RIPK1: variants seen among roughly 807,000 people sequenced by gnomAD.
RIPK1 encodes receptor-interacting serine/threonine-protein kinase 1.
A neutral mutation model predicts 62.4 loss-of-function variants in RIPK1; 27 were observed. The ratio of observed to expected loss-of-function variants is 0.43; its 90% confidence interval spans 0.32 to 0.60. RIPK1 has a LOEUF of 0.60. Among genes scored for constraint, RIPK1 ranks in the 20% least tolerant of loss-of-function variants. The probability of loss-of-function intolerance (pLI) is 0.07; values close to 1 mark genes in which losing one functional copy is unlikely to be tolerated. For synonymous variants in RIPK1, 287 were observed against 303.2 expected, an observed-to-expected ratio of 0.95 and a Z score of 0.55; for missense variants, 735 against 831.0, an observed-to-expected ratio of 0.88 and a Z score of 1.42.
At chr6:3,081,860 TAAAAAAAAAAAAAAAAA>T (rs58330257) in intron 4 of RIPK1, among the ~76,000 whole-genome samples, 28 of 22,850 alleles carry the variant, frequency 1.2e-3, no homozygotes, top group East Asian at 1.5e-3. Context: ...AACTCTGCCT[TAAAAAAAAAAAAAAAAA>T]AAAAAAAAAA....
rs1266925466 is a variant in RIPK1 at position 3,105,950 on chromosome 6, C to G, written c.1475C>G (p.Pro492Arg). The G allele has an allele frequency of 6.2e-7, 1 of 1,613,918 alleles. No homozygotes were observed. The highest frequency in any genetic ancestry group is 2.2e-5 in the East Asian group (1 of 44,880). ...GTAGPRVWYRPIPSHMPSLHN... is the reference protein window; with the variant it reads ...GTAGPRVWYRRIPSHMPSLHN... ...GCAGGTCCCAGAGTTTGGTACAGGC[C>G]AATTCCAAGTCATATGCCTAGTCTG... Residue 492 changes from proline (P) to arginine (R), a missense_variant, in exon 9 of 11, where the codon CCA (proline) becomes CGA (arginine). Coordinates refer to ENST00000259808, the MANE Select transcript of RIPK1 (RefSeq NM_001354930.2). This position sits in a 1 kb window ranked among gnomAD's most constrained non-coding sequence, Gnocchi z 4.5.
chr6:3,064,815 A>G (rs1278821942), upstream of RIPK1, among the ~76,000 whole-genome samples: 2 of 152,168 alleles, frequency 1.3e-5, no homozygotes, highest in African/African-American at 4.8e-5. Context: ...CAGGATGGCC[A>G]GAGGTGGAGG....
In RIPK1 at chr6:3,072,404, T is replaced by TATAA. The variant is rs1491199618; in HGVS notation, c.-61+3744_-61+3745insTAAA. Among the ~76,000 whole-genome samples the TATAA allele has an allele frequency of 6.9e-6, 1 of 145,816 alleles. No homozygotes were observed. Among genetic ancestry groups the TATAA allele is most frequent in the African/African-American group, 2.5e-5 (1 of 39,980 alleles). ...TTATCTATTTACATATATATATATATAAAACACACACAAATGTGAATATAA... is the reference window on the plus strand; with the variant it reads ...TTATCTATTTACATATATATATATATATAAAAAACACACACAAATGTGAATATAA... On this transcript the variant is annotated intron_variant, in intron 1 of 10. Transcript: ENST00000259808. This position sits in a 1 kb window ranked among gnomAD's most constrained non-coding sequence, Gnocchi z 5.6.
chr6:3,064,682 T>C (rs1013515364), upstream of RIPK1, among the ~76,000 whole-genome samples: 5 of 152,010 alleles, frequency 3.3e-5, no homozygotes, highest in Non-Finnish European at 5.9e-5. Flanking sequence ...GAACCTCCTC[T>C]AGGGTGGGAA....
intron 7 of RIPK1, among the ~76,000 whole-genome samples, chr6:3,103,957 T>C (rs1760704483): frequency 6.6e-6 from 1 of 152,262 alleles, no homozygotes; most frequent in South Asian, 2.1e-4. Flanking sequence ...CACTGGCATA[T>C]GTGCCTGTCT....
At chr6:3,108,512 C>T (rs925354341) in intron 9 of RIPK1, among the ~76,000 whole-genome samples, 10 of 152,140 alleles carry the variant, frequency 6.6e-5, no homozygotes, top group African/African-American at 1.9e-4. Flanking sequence ...CCGCGGTGAG[C>T]GCAGACTGTG....
intron 6 of RIPK1, among the ~76,000 whole-genome samples, chr6:3,088,037 T>C (rs1759822700): frequency 6.6e-6 from 1 of 152,252 alleles, no homozygotes; most frequent in Admixed American, 6.5e-5. Flanking sequence ...TTGGCATCTA[T>C]TGATTGTCTT....
rs1581374801 is a variant in RIPK1, at chr6:3,071,631, A to G, written c.-61+2970A>G. 3.9e-5 allele frequency among the ~76,000 whole-genome samples: 6 copies of G among 152,306 alleles called. No homozygotes were observed. In the South Asian group the frequency reaches 1.2e-3, roughly 32 times the overall value. ...CAGTGCTCATAAAGTTGAATCTTTCATGTGGAAAAAAGAGGGGTGGATAGG... is the reference window on the plus strand; with the variant it reads ...CAGTGCTCATAAAGTTGAATCTTTCGTGTGGAAAAAAGAGGGGTGGATAGG... On this transcript the variant is annotated intron_variant, in intron 1 of 10. Transcript: ENST00000259808.
rs1483390436 is a variant in RIPK1 at position 3,114,837 on chromosome 6, A to G, written c.*1498A>G. 1 of 100,408 alleles carries G rather than the reference A, an allele frequency of 1.0e-5. No individual in the cohort carries two copies. Among genetic ancestry groups the G allele is most frequent in the African/African-American group, 3.8e-5 (1 of 26,342 alleles). 6.2% of individuals were successfully genotyped at this position (100,408 alleles called of 1,614,324 possible). A position where few individuals can be genotyped will look rare whatever the true frequency, so the allele number is the denominator to read the frequency against. ...ACTGTTCTCCCCAGCCCCCCGCCCC[A>G]GTTGTGACAATAGTCTCTAAACATT... is the stretch of plus-strand genomic sequence containing the variant. On this transcript the variant is annotated 3_prime_UTR_variant, in exon 11 of 11. Transcript: ENST00000259808. This position sits in a 1 kb window ranked among gnomAD's most constrained non-coding sequence, Gnocchi z 5.0.
At position 3,104,249 on chromosome 6, in the gene RIPK1, G is replaced by C. The variant is rs1395696402; in HGVS notation, c.940G>C (p.Val314Leu). Residue 314 changes from valine to leucine, a missense_variant, in exon 8 of 11, where the codon GTT (valine) becomes CTT (leucine). Coordinates refer to ENST00000259808, the MANE Select transcript of RIPK1 (RefSeq NM_001354930.2). ...GAAAGAGTATTCAAACGAAAATGCA[G>C]TTGTGAAGAGAATGCAGTCTCTTCA... is the stretch of plus-strand genomic sequence containing the variant. ...LKKEYSNENA[V>L]VKRMQSLQLD... 2 of 1,595,834 alleles carry C rather than the reference G, an allele frequency of 1.3e-6. No homozygotes were observed. The highest frequency in any genetic ancestry group is 1.7e-6 in the Non-Finnish European group (2 of 1,164,110).
chr6:3,068,232 G>A (rs1758472262), upstream of RIPK1: 5 of 985,522 alleles, frequency 5.1e-6, no homozygotes, highest in South Asian at 1.9e-4. Context: ...GCAGAGCTCT[G>A]AATCCTCCGG....
At position 3,076,919 on chromosome 6, in the gene RIPK1, T is replaced by C. The variant is rs1397663807; in HGVS notation, c.96T>C (p.Ser32=). 6.2e-7 allele frequency: 1 copy of C among 1,612,324 alleles called. No individual in the cohort carries two copies. Among genetic ancestry groups the C allele is most frequent in the Non-Finnish European group, 8.5e-7 (1 of 1,179,196 alleles). Residue 32 remains serine (S), a synonymous_variant, in exon 2 of 11, where the codon TCT becomes TCC. Transcript: ENST00000259808. Reference sequence around the variant, plus strand: ...ACAGCGGAGGCTTTGGGAAGGTGTCTCTGTGTTTCCACAGAACCCAGGGAC... The same window carrying C: ...ACAGCGGAGGCTTTGGGAAGGTGTCCCTGTGTTTCCACAGAACCCAGGGAC... ...ELDSGGFGKV[S]LCFHRTQGLM...
rs1581443176 is a variant in RIPK1, at chr6:3,110,931, G to T, written c.1705G>T (p.Ala569Ser). ...AAATACGAACTTCAAAGAAGAGCCAGCTGCTAAGTACCAAGCTATCTTTGG... is the reference window on the plus strand; with the variant it reads ...AAATACGAACTTCAAAGAAGAGCCATCTGCTAAGTACCAAGCTATCTTTGG... Reference protein sequence around the residue: ...STNTNFKEEPAAKYQAIFDNT... With the variant: ...STNTNFKEEPSAKYQAIFDNT... The change falls in exon 10 of 11, where the codon GCT becomes TCT. Residue 569 changes from alanine to serine, a missense_variant. Around this residue, in one of 2 missense-constraint regions of RIPK1, gnomAD observed 671 missense variants for 726.2 expected, o/e 0.92. Transcript: ENST00000259808. 1.2e-6 allele frequency: 2 copies of T among 1,613,250 alleles called. No individual in the cohort carries two copies. The highest frequency in any genetic ancestry group is 3.3e-4 in the Middle Eastern group (2 of 6,060).
At chr6:3,075,381 T>C (rs983229273) in intron 1 of RIPK1, among the ~76,000 whole-genome samples, 2 of 152,184 alleles carry the variant, frequency 1.3e-5, no homozygotes, top group African/African-American at 4.8e-5. Context: ...CTTTGAGATC[T>C]GACACTGTAT....
Position 3,085,264 on chromosome 6 carries a change from A to G in RIPK1, c.694A>G (p.Ile232Val). ...FANKEPYENA[I>V]CEQQLIMCIK... Reference sequence around the variant, plus strand: ...AGAAAGTCTTTGCTTTGTAGATGCTATCTGTGAGCAGCAGTTGATAATGTG... The same window carrying G: ...AGAAAGTCTTTGCTTTGTAGATGCTGTCTGTGAGCAGCAGTTGATAATGTG... Residue 232 changes from isoleucine (I) to valine (V), a missense_variant, in exon 6 of 11, where the codon ATC becomes GTC. Physicochemically the swap from Ile to Val is conservative, Grantham distance 29 (BLOSUM62 3). Transcript: ENST00000259808. 2 of 1,614,214 alleles carry G rather than the reference A, an allele frequency of 1.2e-6. No individual in the cohort carries two copies. The highest frequency in any genetic ancestry group is 1.3e-5 in the African/African-American group (1 of 75,070).
chr6:3,067,597 G>GA (rs1561739065), upstream of RIPK1, among the ~76,000 whole-genome samples: 1 of 110,058 alleles, frequency 9.1e-6, no homozygotes, highest in African/African-American at 2.8e-5. Context: ...ATTTTAAGAG[G>GA]GTTTTTTTTG....
intron 5 of RIPK1, among the ~76,000 whole-genome samples, chr6:3,084,681 C>T (rs762799260): frequency 6.6e-6 from 1 of 151,562 alleles, no homozygotes; most frequent in Non-Finnish European, 1.5e-5. Context: ...GCAGCCTCCA[C>T]CTCCCAGGTT....
Position 3,105,483 on chromosome 6 carries a change from C to G in RIPK1, c.1008C>G (p.Ala336=). The change falls in exon 9 of 11, where the codon GCC becomes GCG. Residue 336 remains alanine (A), a splice_region_variant and synonymous_variant. Transcript: ENST00000259808. This position sits in a 1 kb window ranked among gnomAD's most constrained non-coding sequence, Gnocchi z 4.5. ...CTAATGTTGATCATTTCTTCTCAGC[C>G]ACAGAACAGCCTGGTTCACTGCACA... is the stretch of plus-strand genomic sequence containing the variant. ...VAVPSSRSNS[A]TEQPGSLHSS... The G allele has an allele frequency of 6.5e-7, 1 of 1,528,466 alleles. No individual in the cohort carries two copies. The highest frequency in any genetic ancestry group is 8.8e-7 in the Non-Finnish European group (1 of 1,140,278). 94.7% of individuals were successfully genotyped at this position (1,528,466 alleles called of 1,614,324 possible).
intron 3 of RIPK1, among the ~76,000 whole-genome samples, chr6:3,080,511 T>C (rs1759319349): frequency 6.6e-6 from 1 of 152,200 alleles, no homozygotes. Flanking sequence ...GTATTCTTTT[T>C]TCTCTTAATG....
Sources: allele counts gnomAD v4.1 joint callset (sites outside exome capture counted in the v4.1 genomes callset), GRCh38; gene constraint gnomAD v4.1.1; regional missense constraint gnomAD v4.1.1; non-coding constraint Gnocchi (gnomAD v3.1); transcripts MANE v1.5; gene names NCBI Gene and HGNC (gene_info 2026-07-23, HGNC 2026-07-21).